HMX1: variants seen among roughly 807,000 people sequenced by gnomAD.
The protein encoded by HMX1 is homeobox protein HMX1.
A neutral mutation model predicts 8.9 loss-of-function variants in HMX1; 8 were observed. That is an observed-to-expected ratio of 0.90 (90% confidence interval 0.53 to 1.63). The LOEUF (loss-of-function observed/expected upper bound fraction) is 1.63. Ranked by LOEUF, HMX1 falls within the 40% of genes most tolerant of loss-of-function variation. The pLI is 0.00. For synonymous variants in HMX1, 311 were observed against 283.4 expected (o/e 1.10, Z -0.98); for missense variants, 621 against 558.5 (o/e 1.11, Z -1.13).
intron 1 of HMX1, among the ~76,000 whole-genome samples, chr4:8,850,192 C>T (rs943166957): frequency 6.6e-6 from 1 of 152,068 alleles, no homozygotes; most frequent in African/African-American, 2.4e-5. Flanking sequence ...GATGGGGGTT[C>T]CCGGAAACCC....
rs372434865 is a variant in HMX1, at chr4:8,853,712, TGTG to T, written c.395-7391_395-7389del. Reference sequence around the variant, plus strand: ...ACTAAAAATACAGAAATTAGCTGGGTGTGGTGGTGGGCCCCTGTAATCTCAGCT... The same window carrying T: ...ACTAAAAATACAGAAATTAGCTGGGTGTGGTGGGCCCCTGTAATCTCAGCT... On this transcript the variant is annotated intron_variant, in intron 1 of 1. Coordinates refer to the HMX1 transcript ENST00000506970. The surrounding 1 kb of genome is among the most constrained non-coding windows in gnomAD (Gnocchi z 4.7). 4.0e-5 allele frequency among the ~76,000 whole-genome samples: 6 copies of T among 151,648 alleles called. No homozygotes were observed. Among genetic ancestry groups the T allele is most frequent in the African/African-American group, 1.5e-4 (6 of 41,226 alleles).
At chr4:8,855,614 A>G (rs1721587367) in intron 1 of HMX1, among the ~76,000 whole-genome samples, 1 of 152,170 alleles carries the variant, frequency 6.6e-6, no homozygotes, top group African/African-American at 2.4e-5. Context: ...GCACTTAGCA[A>G]GGTCAAGGAT....
chr4:8,847,581 C>G lies in HMX1; in HGVS notation c.395-1257G>C, dbSNP rs971681859. On this transcript the variant is annotated intron_variant, in intron 1 of 1. Transcript: ENST00000506970. The surrounding 1 kb of genome is among the most constrained non-coding windows in gnomAD (Gnocchi z 6.0). ...CGGCCAGACACTGGACACGTGCAAA[C>G]CACCCCCTTCTGTCCCCACAGAGAT... Among the ~76,000 whole-genome samples the G allele has an allele frequency of 3.9e-5, 6 of 152,176 alleles. No homozygotes were observed. Among genetic ancestry groups the G allele is most frequent in the Admixed American group, 3.3e-4 (5 of 15,280 alleles).
intron 1 of HMX1, among the ~76,000 whole-genome samples, chr4:8,851,147 C>T (rs1721436363): frequency 6.6e-6 from 1 of 152,228 alleles, no homozygotes; most frequent in Non-Finnish European, 1.5e-5. Flanking sequence ...GAGACCAGAC[C>T]CCGTGTGTCT....
intron 1 of HMX1, among the ~76,000 whole-genome samples, chr4:8,857,865 C>T (rs1721664327): frequency 6.6e-6 from 1 of 152,126 alleles, no homozygotes; most frequent in East Asian, 1.9e-4. Context: ...GTCATCCACA[C>T]GCGCCGTGCC....
chr4:8,868,038 G>T lies in HMX1; in HGVS notation c.702C>A (p.Ala234=). 1.3e-6 allele frequency: 2 copies of T among 1,533,648 alleles called. No homozygotes were observed. Among genetic ancestry groups the T allele is most frequent in the Non-Finnish European group, 1.8e-6 (2 of 1,142,068 alleles). The part of the protein sequence containing the change: ...LKRYLSSAER[A]GLAASLQLTE... ...TGAGCTGCAGGGAGGCGGCCAGGCC[G>T]GCGCGCTCGGCGCTGCTCAGGTAGC... Residue 234 remains alanine (A), a synonymous_variant, in exon 2 of 2, where the codon GCC becomes GCA. Coordinates refer to ENST00000400677, the MANE Select transcript of HMX1 (RefSeq NM_018942.3). The surrounding 1 kb of genome is among the most constrained non-coding windows in gnomAD (Gnocchi z 4.6).
Position 8,867,780 on chromosome 4 carries a change from G to A in HMX1, c.960C>T (p.Phe320=), listed in dbSNP as rs1254257161. ...APAPPPPLLG[F]SGALAYPLAA... Reference sequence around the variant, plus strand: ...CCAGCGGGTAGGCGAGGGCCCCGGAGAAGCCGAGCAGCGGTGGGGGCGGCG... The same window carrying A: ...CCAGCGGGTAGGCGAGGGCCCCGGAAAAGCCGAGCAGCGGTGGGGGCGGCG... The change falls in exon 2 of 2, where the codon TTC becomes TTT. Residue 320 remains phenylalanine (F), a synonymous_variant. Coordinates refer to ENST00000400677, the MANE Select transcript of HMX1 (RefSeq NM_018942.3). 36 of 1,268,778 alleles carry A rather than the reference G, an allele frequency of 2.8e-5. No homozygotes were observed. Among genetic ancestry groups the A allele is most frequent in the South Asian group, 3.0e-5 (1 of 32,974 alleles). 78.6% of individuals were successfully genotyped at this position (1,268,778 alleles called of 1,614,324 possible).
rs2109478402 is a variant in HMX1 at position 8,871,728 on chromosome 4, T to C, written c.-114A>G. On this transcript the variant is annotated 5_prime_UTR_variant, in exon 1 of 2. Coordinates refer to ENST00000400677, the MANE Select transcript of HMX1 (RefSeq NM_018942.3). The surrounding 1 kb of genome is among the most constrained non-coding windows in gnomAD (Gnocchi z 4.8). ...GCCCTGGAGCTGCTACCCGGACCGC[T>C]GGCGTCGGGCCCCGCAGGGCAGGCG... 1 of 1,043,934 alleles carries C rather than the reference T, an allele frequency of 9.6e-7. No individual in the cohort carries two copies. Among genetic ancestry groups the C allele is most frequent in the East Asian group, 7.1e-5 (1 of 14,176 alleles). 64.7% of individuals were successfully genotyped at this position (1,043,934 alleles called of 1,614,324 possible).
At chr4:8,863,505 G>A (rs957230185), downstream of HMX1, among the ~76,000 whole-genome samples, 5 of 152,252 alleles carry the variant, frequency 3.3e-5, no homozygotes, top group Non-Finnish European at 5.9e-5. Flanking sequence ...ATGGGTGAGG[G>A]CACTGGGCAC....
chr4:8,861,687 G>A (rs1015611118), intron 1 of HMX1, among the ~76,000 whole-genome samples: 4 of 144,538 alleles, frequency 2.8e-5, no homozygotes, highest in Non-Finnish European at 4.4e-5. Flanking sequence ...ACCCGAGGAG[G>A]CCCACAGCTC....
In HMX1 at chr4:8,871,319, G is replaced by A. The variant is rs537504619; in HGVS notation, c.296C>T (p.Pro99Leu). The A allele has an allele frequency of 4.3e-5, 59 of 1,377,142 alleles. No individual in the cohort carries two copies. In the African/African-American group the frequency reaches 8.6e-4, roughly 20 times the overall value. The allele number at this position is 1,377,142 out of a possible 1,614,324, so 85.3% of individuals were successfully genotyped here. A position where few individuals can be genotyped will look rare whatever the true frequency, so the allele number is the denominator to read the frequency against. ...AGCGAAGGGCGGCCCGGGACCGGGG[G>A]GCGGCCGAGGACCGAGGCCCAGCGC... ...PGALGLGPRP[P>L]PGPGPPFALG... is the part of the protein sequence containing the mutation. The change falls in exon 1 of 2, where the codon CCC becomes CTC. Residue 99 changes from proline (P) to leucine (L), a missense_variant. By Grantham distance (98) the Pro-to-Leu change is moderately conservative (BLOSUM62 -3). Coordinates refer to ENST00000400677, the MANE Select transcript of HMX1 (RefSeq NM_018942.3). This position sits in a 1 kb window ranked among gnomAD's most constrained non-coding sequence, Gnocchi z 4.8.
chr4:8,871,255 C>T lies in HMX1; in HGVS notation c.360G>A (p.Ala120=). The change falls in exon 1 of 2, where the codon GCG becomes GCA. Residue 120 remains alanine (A), a synonymous_variant. Transcript: ENST00000400677. The surrounding 1 kb of genome is among the most constrained non-coding windows in gnomAD (Gnocchi z 4.8). ...TGAGGCCGCCTCCATAGCCACCGTG[C>T]GCCCGTGGGTACCAGCGCGCTGCGC... The part of the protein sequence containing the change: ...CGGAARWYPR[A]HGGYGGGLSP... 3 of 1,485,978 alleles carry T rather than the reference C, an allele frequency of 2.0e-6. No homozygotes were observed. Among genetic ancestry groups the T allele is most frequent in the Non-Finnish European group, 2.7e-6 (3 of 1,124,826 alleles). 92.0% of individuals were successfully genotyped at this position (1,485,978 alleles called of 1,614,324 possible).
Position 8,848,624 on chromosome 4 carries a change from C to T in HMX1, c.395-2300G>A, listed in dbSNP as rs570159960. 1.1e-4 allele frequency among the ~76,000 whole-genome samples: 16 copies of T among 152,270 alleles called. No individual in the cohort carries two copies. Among genetic ancestry groups the T allele is most frequent in the African/African-American group, 3.9e-4 (16 of 41,554 alleles). ...TTGCTCCAGGCATGCTTGGAGGTGC[C>T]GGCTGCTGTAGACCAACCTAAACCA... On this transcript the variant is annotated intron_variant, in intron 1 of 1. Transcript: ENST00000506970. This position sits in a 1 kb window ranked among gnomAD's most constrained non-coding sequence, Gnocchi z 4.1.
rs183029790 is a variant in HMX1, at chr4:8,853,777, C to G, written c.395-7453G>C. ...CTGAGACAGGAGAATTGTTTGAACC[C>G]GGGAGGTGGAGGTTGCAGTGAGCCG... is the stretch of plus-strand genomic sequence containing the variant. On this transcript the variant is annotated intron_variant, in intron 1 of 1. Transcript: ENST00000506970. The surrounding 1 kb of genome is among the most constrained non-coding windows in gnomAD (Gnocchi z 4.7). Among the ~76,000 whole-genome samples the G allele has an allele frequency of 6.3e-4, 95 of 151,144 alleles. 2 individuals are homozygous for G. The East Asian group carries it at 0.018, about 28-fold the overall frequency.
At chr4:8,862,925 T>C (rs1721875816), downstream of HMX1, among the ~76,000 whole-genome samples, 1 of 152,068 alleles carries the variant, frequency 6.6e-6, no homozygotes, top group Admixed American at 6.5e-5. Flanking sequence ...CTGTCCCCTC[T>C]CCGGCCCACC....
Position 8,847,112 on chromosome 4 carries a change from C to T in HMX1, c.395-788G>A, listed in dbSNP as rs1408635514. Among the ~76,000 whole-genome samples the T allele has an allele frequency of 1.3e-5, 2 of 152,096 alleles. No individual in the cohort carries two copies. Among genetic ancestry groups the T allele is most frequent in the Non-Finnish European group, 2.9e-5 (2 of 68,036 alleles). On this transcript the variant is annotated intron_variant, in intron 1 of 1. Coordinates refer to the HMX1 transcript ENST00000506970. The surrounding 1 kb of genome is among the most constrained non-coding windows in gnomAD (Gnocchi z 6.0). Reference sequence around the variant, plus strand: ...TCCCTGACCATTTGCATTGCCACATCAAGGGCTCTAAGAAAGTCTACAAAT... The same window carrying T: ...TCCCTGACCATTTGCATTGCCACATTAAGGGCTCTAAGAAAGTCTACAAAT...
At chr4:8,863,103 C>T (rs1020693253), downstream of HMX1, among the ~76,000 whole-genome samples, 11 of 152,160 alleles carry the variant, frequency 7.2e-5, no homozygotes, top group Non-Finnish European at 1.3e-4. Flanking sequence ...ACTCTGGCTA[C>T]CAGAAGGGCA....
At chr4:8,867,017 C>T (rs1363562326), downstream of HMX1, 28 of 953,180 alleles carry the variant, frequency 2.9e-5, no homozygotes, top group Non-Finnish European at 3.2e-5. Context: ...TGAGCTGTCT[C>T]TGCCCTCGTG....
rs1216766992 is a variant in HMX1, at chr4:8,847,992, A to G, written c.395-1668T>C. On this transcript the variant is annotated intron_variant, in intron 1 of 1. Coordinates refer to the HMX1 transcript ENST00000506970. This position sits in a 1 kb window ranked among gnomAD's most constrained non-coding sequence, Gnocchi z 6.0. ...CCTGGAGCGCCAGGTCCAGGGTGAC[A>G]TCTGAGCTCAGCGAACCGAATTTTG... is the stretch of plus-strand genomic sequence containing the variant. 3.3e-5 allele frequency among the ~76,000 whole-genome samples: 5 copies of G among 152,322 alleles called. No homozygotes were observed. Among genetic ancestry groups the G allele is most frequent in the African/African-American group, 9.6e-5 (4 of 41,588 alleles).
Sources: gnomAD v4.1 joint callset for allele counts (sites outside exome capture counted in the v4.1 genomes callset) on GRCh38, gnomAD v4.1.1 for gene constraint, Gnocchi (gnomAD v3.1) non-coding constraint, MANE v1.5 for transcripts, NCBI Gene and HGNC (gene_info 2026-07-23, HGNC 2026-07-21) for gene names.